Variants in LAMA2 observed in about 807,000 individuals in gnomAD.
The protein encoded by LAMA2 is laminin subunit alpha 2.
LAMA2 carries 269 observed loss-of-function variants against 364.8 expected under a neutral mutation model. That is an observed-to-expected ratio of 0.74 (90% confidence interval 0.67 to 0.82). The LOEUF is 0.82. Ranked by LOEUF, LAMA2 falls within the 40% of genes least tolerant of loss-of-function variation. LAMA2 has a pLI of 0.00. For missense variants in LAMA2, 3,807 were observed against 3,873.2 expected, an observed-to-expected ratio of 0.98 and a Z score of 0.45; for synonymous variants, 1,379 against 1,370.6, an observed-to-expected ratio of 1.01 and a Z score of -0.14.
intron 1 of LAMA2, among the ~76,000 whole-genome samples, chr6:128,998,047 G>C (rs937276253): frequency 3.9e-5 from 6 of 152,068 alleles, no homozygotes; most frequent in Admixed American, 3.3e-4. Flanking sequence ...GAGCTGCACA[G>C]ATGGGGTGGG....
At chr6:129,060,050 C>A (rs533423123) in intron 3 of LAMA2, among the ~76,000 whole-genome samples, 154 bp downstream of exon 3, 12 of 152,132 alleles carry the variant, frequency 7.9e-5, no homozygotes, top group Non-Finnish European at 1.8e-4. Flanking sequence ...ATTCATATAG[C>A]GTATTGTTAT....
intron 10 of LAMA2, among the ~76,000 whole-genome samples, chr6:129,187,867 C>A: frequency 6.6e-6 from 1 of 151,760 alleles, no homozygotes; most frequent in Non-Finnish European, 1.5e-5. Flanking sequence ...ATTAGGGATG[C>A]TCAACCTGCA....
intron 32 of LAMA2, among the ~76,000 whole-genome samples, chr6:129,359,536 T>C (rs1777344537): frequency 6.8e-6 from 1 of 146,092 alleles, no homozygotes; most frequent in South Asian, 2.2e-4. Context: ...TATATGCTAA[T>C]GTAAAAGTTT....
chr6:129,155,906 A>C (rs1186913493), intron 8 of LAMA2, among the ~76,000 whole-genome samples: 2 of 152,038 alleles, frequency 1.3e-5, no homozygotes, highest in African/African-American at 4.8e-5. Context: ...AGAAAATATT[A>C]GGATTATTGC....
At chr6:129,096,079 T>C (rs1237878014) in intron 3 of LAMA2, among the ~76,000 whole-genome samples, 1 of 152,216 alleles carries the variant, frequency 6.6e-6, no homozygotes, top group Admixed American at 6.5e-5. Flanking sequence ...CAGAGACAAC[T>C]CTATCTGTGC....
At chr6:129,050,307 C>G (rs2114774956) in intron 2 of LAMA2, among the ~76,000 whole-genome samples, 1 of 152,282 alleles carries the variant, frequency 6.6e-6, no homozygotes, top group Middle Eastern at 3.4e-3. Flanking sequence ...GATTCGCCAG[C>G]TGAAGGCCTG....
Position 129,098,423 on chromosome 6 carries a change from G to A in LAMA2, c.639+8G>A, listed in dbSNP as rs908625189. ...CCCTTAGAAAATGGAGAGGTAAGAT[G>A]AGAAAACTCACCATTTAAGCACATT... On this transcript the variant is annotated splice_region_variant and intron_variant, in intron 4 of 64. Transcript: ENST00000421865. The A allele has an allele frequency of 1.4e-5, 23 of 1,613,708 alleles. No homozygotes were observed. Among genetic ancestry groups the A allele is most frequent in the Non-Finnish European group, 1.9e-5 (23 of 1,179,904 alleles).
chr6:129,096,230 CTT>C (rs1198616994), intron 3 of LAMA2, among the ~76,000 whole-genome samples: 2 of 152,132 alleles, frequency 1.3e-5, no homozygotes, highest in Non-Finnish European at 2.9e-5. Context: ...TAGCAAATAT[CTT>C]TTATAGTGGT....
intron 40 of LAMA2, among the ~76,000 whole-genome samples, chr6:129,407,790 A>G (rs568322467): frequency 6.6e-6 from 1 of 152,294 alleles, no homozygotes; most frequent in Non-Finnish European, 1.5e-5. Flanking sequence ...GGGTTGTTGT[A>G]GTTTCCCATT....
At chr6:128,973,962 G>C (rs1163125416) in intron 1 of LAMA2, among the ~76,000 whole-genome samples, 5 of 152,130 alleles carry the variant, frequency 3.3e-5, no homozygotes, top group Admixed American at 3.3e-4. Flanking sequence ...TAGCAGAGAG[G>C]CCAACTCACA....
chr6:129,015,816 T>C (rs1430703033), intron 1 of LAMA2, among the ~76,000 whole-genome samples: 1 of 152,082 alleles, frequency 6.6e-6, no homozygotes, highest in Admixed American at 6.5e-5. Flanking sequence ...AAAATCACCA[T>C]TTGTATTTTG....
chr6:129,278,688 C>T (rs1239678218), intron 17 of LAMA2, among the ~76,000 whole-genome samples: 1 of 152,042 alleles, frequency 6.6e-6, no homozygotes, highest in Admixed American at 6.6e-5. Context: ...ATCACAGCTA[C>T]CAGAACTCCT....
intron 1 of LAMA2, among the ~76,000 whole-genome samples, chr6:128,911,534 G>T (rs779643898): frequency 1.5e-4 from 23 of 152,158 alleles, no homozygotes; most frequent in Admixed American, 6.5e-5. Flanking sequence ...TGCGCCCACT[G>T]TCTGGCATTC....
intron 4 of LAMA2, among the ~76,000 whole-genome samples, chr6:129,106,249 C>T (rs1380510560): frequency 1.3e-5 from 2 of 150,118 alleles, no homozygotes; most frequent in African/African-American, 4.9e-5. Context: ...TATTTTTCTT[C>T]CTCTTTTCAT....
chr6:129,115,867 C>T (rs748759977), intron 4 of LAMA2, among the ~76,000 whole-genome samples: 7 of 152,126 alleles, frequency 4.6e-5, no homozygotes, highest in East Asian at 1.9e-4. Flanking sequence ...ATAACACATC[C>T]GACTAAGGTG....
chr6:129,439,024 A>T (rs11154477), intron 42 of LAMA2, among the ~76,000 whole-genome samples: 1 of 151,450 alleles, frequency 6.6e-6, no homozygotes, highest in Non-Finnish European at 1.5e-5. Context: ...TCTTATTATT[A>T]TAAAACTCAT....
chr6:129,204,538 C>T (rs1211841849), intron 12 of LAMA2, among the ~76,000 whole-genome samples: 1 of 150,978 alleles, frequency 6.6e-6, no homozygotes, highest in African/African-American at 2.4e-5. Context: ...ACCATGTGAA[C>T]ATGATGATGG....
chr6:129,044,567 A>ATATT (rs1488671125), intron 1 of LAMA2, among the ~76,000 whole-genome samples: 1 of 151,260 alleles, frequency 6.6e-6, no homozygotes, highest in East Asian at 1.9e-4. Flanking sequence ...ATATATATAT[A>ATATT]TATACACTAT....
At chr6:129,363,614 A>G (rs1777593200) in intron 32 of LAMA2, among the ~76,000 whole-genome samples, 2 of 152,226 alleles carry the variant, frequency 1.3e-5, no homozygotes. Flanking sequence ...AGTGTGGTGC[A>G]CAGACCAACA....
Sources: gnomAD v4.1 joint callset for allele counts (sites outside exome capture counted in the v4.1 genomes callset) on GRCh38, gnomAD v4.1.1 for gene constraint, MANE v1.5 for transcripts, NCBI Gene and HGNC (gene_info 2026-07-23, HGNC 2026-07-21) for gene names.